The following ZBTB20 variants were observed in gnomAD, a reference collection of about 807,000 sequenced individuals.
ZBTB20 encodes zinc finger and BTB domain-containing protein 20.
In ZBTB20, 9 loss-of-function variants were observed where a neutral mutation model predicts 56.9. That is an observed-to-expected ratio of 0.16 (90% CI 0.10 to 0.28). The LOEUF is 0.28. ZBTB20 is among the 10% of genes least tolerant of loss of function. ZBTB20 has a pLI of 1.00. For missense variants in ZBTB20, 655 were observed against 1,003.0 expected, an observed-to-expected ratio of 0.65 and a Z score of 4.69; for synonymous variants, 417 against 420.7, an observed-to-expected ratio of 0.99 and a Z score of 0.11.
chr3:114,460,359 G>A (rs2092275953), intron 7 of ZBTB20, among the ~76,000 whole-genome samples: 1 of 151,902 alleles, frequency 6.6e-6, no homozygotes, highest in African/African-American at 2.4e-5. Context: ...GTGGCAAAGG[G>A]GTCTTGCAAA....
intron 5 of ZBTB20, among the ~76,000 whole-genome samples, chr3:114,752,877 A>T (rs758147065): frequency 2.0e-5 from 3 of 152,126 alleles, no homozygotes; most frequent in Non-Finnish European, 2.9e-5. Flanking sequence ...TAGAGCTCTA[A>T]GCATCTTGAG....
chr3:114,988,720 G>C (rs1471229873), intron 2 of ZBTB20, among the ~76,000 whole-genome samples: 1 of 152,150 alleles, frequency 6.6e-6, no homozygotes, highest in Non-Finnish European at 1.5e-5. Flanking sequence ...CCCACCAACA[G>C]TGTAAAAGTG....
chr3:114,472,308 C>T (rs1383666822), intron 7 of ZBTB20, among the ~76,000 whole-genome samples: 1 of 152,156 alleles, frequency 6.6e-6, no homozygotes, highest in East Asian at 1.9e-4. Flanking sequence ...TTCCAAATTC[C>T]AACCTGTTTT....
At chr3:115,074,382 C>T (rs2082521548) in intron 1 of ZBTB20, among the ~76,000 whole-genome samples, 1 of 152,100 alleles carries the variant, frequency 6.6e-6, no homozygotes, top group African/African-American at 2.4e-5. Flanking sequence ...AACACAGTAC[C>T]TGTTCTCAAA....
intron 6 of ZBTB20, among the ~76,000 whole-genome samples, chr3:114,548,516 TC>T (rs1428166038): frequency 1.4e-5 from 2 of 144,754 alleles, no homozygotes; most frequent in South Asian, 2.1e-4. Flanking sequence ...CTTTTTATTT[TC>T]TTTTTTTTTT....
At chr3:114,472,836 C>T (rs10511333) in intron 7 of ZBTB20, among the ~76,000 whole-genome samples, 17,655 of 152,076 alleles carry the variant, frequency 0.12, 1,512 homozygotes, top group East Asian at 0.26. Flanking sequence ...GCTGTAATAA[C>T]AAGAGCTATG....
At chr3:114,652,705 T>G (rs2060198408) in intron 6 of ZBTB20, among the ~76,000 whole-genome samples, 1 of 151,966 alleles carries the variant, frequency 6.6e-6, no homozygotes, top group Non-Finnish European at 1.5e-5. Flanking sequence ...TGACAATTTA[T>G]CTTAATGTTA....
At chr3:114,966,237 T>C in intron 3 of ZBTB20, among the ~76,000 whole-genome samples, 1 of 152,078 alleles carries the variant, frequency 6.6e-6, no homozygotes, top group South Asian at 2.1e-4. Flanking sequence ...CCTTCCAGTA[T>C]AGTATTGGTG....
intron 6 of ZBTB20, among the ~76,000 whole-genome samples, chr3:114,623,840 G>A (rs1308512311): frequency 6.6e-6 from 1 of 150,714 alleles, no homozygotes; most frequent in African/African-American, 2.4e-5. Context: ...AAGCATGTTT[G>A]CTAGGCATGT....
chr3:114,815,054 G>A (rs1397900034), intron 4 of ZBTB20, among the ~76,000 whole-genome samples: 1 of 152,072 alleles, frequency 6.6e-6, no homozygotes, highest in Admixed American at 6.6e-5. Context: ...AAATATTCAG[G>A]TAACTTCCTA....
At chr3:114,498,971 G>T (rs2043620865) in intron 7 of ZBTB20, among the ~76,000 whole-genome samples, 1 of 152,148 alleles carries the variant, frequency 6.6e-6, no homozygotes, top group African/African-American at 2.4e-5. Context: ...TTAATGCCTT[G>T]TCTAACACAG....
intron 3 of ZBTB20, among the ~76,000 whole-genome samples, chr3:114,902,099 C>T (rs935167656): frequency 9.2e-5 from 14 of 152,038 alleles, no homozygotes; most frequent in African/African-American, 2.7e-4. Flanking sequence ...TGAGAAACAC[C>T]CTCACTGCTT....
At chr3:114,900,737 G>T (rs1324602299) in intron 3 of ZBTB20, 1 of 151,850 alleles carries the variant, frequency 6.6e-6, no homozygotes, top group African/African-American at 2.4e-5. Flanking sequence ...AAACTACTCA[G>T]ATTCATCTGC....
intron 1 of ZBTB20, among the ~76,000 whole-genome samples, chr3:115,098,484 T>C (rs1228583990): frequency 1.3e-5 from 2 of 152,076 alleles, no homozygotes; most frequent in African/African-American, 4.8e-5. Flanking sequence ...TAACATAAAA[T>C]ACTCTCCTAA....
At chr3:114,868,161 C>T (rs2107525650) in intron 4 of ZBTB20, among the ~76,000 whole-genome samples, 1 of 152,266 alleles carries the variant, frequency 6.6e-6, no homozygotes, top group Non-Finnish European at 1.5e-5. Flanking sequence ...AAAATAAAAG[C>T]AATTTGTCCA....
chr3:114,621,934 C>T (rs1285310146), intron 6 of ZBTB20, among the ~76,000 whole-genome samples: 1 of 152,072 alleles, frequency 6.6e-6, no homozygotes, highest in East Asian at 1.9e-4. Context: ...GAAATTCTTC[C>T]ACGACCACTT....
chr3:114,765,145 T>C (rs976571726), intron 5 of ZBTB20, among the ~76,000 whole-genome samples: 1 of 152,188 alleles, frequency 6.6e-6, no homozygotes, highest in African/African-American at 2.4e-5. Context: ...ATCTCTATTA[T>C]TGAGTCCTGC....
intron 6 of ZBTB20, among the ~76,000 whole-genome samples, chr3:114,592,549 CA>C (rs2107570404): frequency 6.6e-6 from 1 of 152,302 alleles, no homozygotes; most frequent in East Asian, 1.9e-4. Context: ...GTGAAAGTAT[CA>C]TCAACCACAA....
intron 5 of ZBTB20, among the ~76,000 whole-genome samples, chr3:114,718,891 T>C (rs1423935778): frequency 6.6e-6 from 1 of 151,996 alleles, no homozygotes; most frequent in East Asian, 1.9e-4. Flanking sequence ...CCAGAGTTAA[T>C]ACTTTAATTA....
Sources: allele counts gnomAD v4.1 joint callset (sites outside exome capture counted in the v4.1 genomes callset), GRCh38; gene constraint gnomAD v4.1.1; transcripts MANE v1.5; gene names NCBI Gene and HGNC (gene_info 2026-07-23, HGNC 2026-07-21).